Variants in TMCO4 observed in about 807,000 individuals in gnomAD.
TMCO4 encodes transmembrane and coiled-coil domains 4, also known as transmembrane and coiled-coil domain-containing protein 4.
TMCO4 carries 58 observed loss-of-function variants against 64.7 expected under a neutral mutation model. The ratio of observed to expected loss-of-function variants is 0.90; its 90% CI spans 0.73 to 1.12. The LOEUF (loss-of-function observed/expected upper bound fraction) is 1.12, where lower values mean the gene tolerates loss of function less well. Among genes scored for constraint, TMCO4 ranks in the 50% most tolerant of loss-of-function variants. TMCO4 has a pLI of 0.00. For synonymous variants in TMCO4, 325 were observed against 346.1 expected, an observed-to-expected ratio of 0.94 and a Z score of 0.68; for missense variants, 780 against 825.9, an observed-to-expected ratio of 0.94 and a Z score of 0.68.
chr1:19,753,815 C>A (rs543651658), intron 7 of TMCO4, among the ~76,000 whole-genome samples: 1 of 152,216 alleles, frequency 6.6e-6, no homozygotes, highest in African/African-American at 2.4e-5. Context: ...GAGTCCCTAA[C>A]GCTGCATAAA....
At chr1:19,717,014 C>T (rs549348128) in intron 13 of TMCO4, among the ~76,000 whole-genome samples, 1 of 152,198 alleles carries the variant, frequency 6.6e-6, no homozygotes, top group Admixed American at 6.5e-5. Flanking sequence ...TGGTGAAACC[C>T]CATCTCTACT....
chr1:19,709,362 A>G (rs2095319354), intron 13 of TMCO4, among the ~76,000 whole-genome samples: 1 of 119,090 alleles, frequency 8.4e-6, no homozygotes. Flanking sequence ...CCCCAGGGGG[A>G]CTAAAGCTGG....
chr1:19,731,420 C>A (rs910163908), intron 13 of TMCO4, among the ~76,000 whole-genome samples: 7 of 152,186 alleles, frequency 4.6e-5, no homozygotes, highest in South Asian at 2.1e-4. Context: ...TCCTAAAAAC[C>A]TGTTGTAGAT....
chr1:19,695,267 G>A (rs2095228580), intron 14 of TMCO4, among the ~76,000 whole-genome samples: 1 of 152,236 alleles, frequency 6.6e-6, no homozygotes, highest in African/African-American at 2.4e-5. Flanking sequence ...ACCCTCTGCT[G>A]CCCATTGCTT....
chr1:19,755,573 C>G, intron 7 of TMCO4, 61 bp downstream of exon 7: 1 of 1,602,586 alleles, frequency 6.2e-7, no homozygotes, highest in Non-Finnish European at 8.5e-7. Flanking sequence ...ACTCTGTTAT[C>G]TGCAAAGTAC....
chr1:19,709,675 G>T (rs1305422370), intron 13 of TMCO4, among the ~76,000 whole-genome samples: 2 of 151,804 alleles, frequency 1.3e-5, no homozygotes, highest in African/African-American at 4.8e-5. Flanking sequence ...ACTTCACAGG[G>T]GCAGGGAATG....
At chr1:19,739,754 T>C in intron 12 of TMCO4, 70 bp downstream of exon 12, 3 of 1,562,812 alleles carry the variant, frequency 1.9e-6, no homozygotes, top group Non-Finnish European at 2.6e-6. Context: ...AAGGCTGATA[T>C]CTGTGAACAA....
intron 14 of TMCO4, among the ~76,000 whole-genome samples, chr1:19,697,878 T>C (rs1402101311): frequency 6.6e-6 from 1 of 151,844 alleles, no homozygotes; most frequent in East Asian, 1.9e-4. Context: ...CCTCCCAAAG[T>C]GCTGGGATTA....
chr1:19,694,168 A>G (rs1185677372), intron 15 of TMCO4, among the ~76,000 whole-genome samples: 4 of 152,180 alleles, frequency 2.6e-5, no homozygotes, highest in African/African-American at 9.6e-5. Flanking sequence ...TGCCCAGATA[A>G]TTTAAAAATT....
rs201994917 is a variant in TMCO4, at chr1:19,746,560, C to A, written c.653G>T (p.Gly218Val). ...GGCGCTGCCAATAATCGTCGCTGCTCCAGCGGCAACAAGGGGTGCAGCTAG... is the reference window on the plus strand; with the variant it reads ...GGCGCTGCCAATAATCGTCGCTGCTACAGCGGCAACAAGGGGTGCAGCTAG... Reference protein sequence around the residue: ...GGLAAPLVAAGAATIIGSAGA... With the variant: ...GGLAAPLVAAVAATIIGSAGA... Residue 218 changes from glycine to valine, a missense_variant, in exon 9 of 16, where the codon GGA becomes GTA. Coordinates refer to ENST00000294543, the MANE Select transcript of TMCO4 (RefSeq NM_181719.7). The A allele has an allele frequency of 3.2e-5, 51 of 1,611,214 alleles. No individual in the cohort carries two copies. The East Asian group carries it at 1.1e-3, about 34-fold the overall frequency.
chr1:19,758,163 G>A lies in TMCO4; in HGVS notation c.383-2397C>T, dbSNP rs1450873095. ...CTGAAGTCTTGAAGTTTGAGGTTTC[G>A]GCTTCTGCAAAAGAAATCAGTTCCT... is the stretch of plus-strand genomic sequence containing the variant. On this transcript the variant is annotated intron_variant, in intron 6 of 15. Transcript: ENST00000294543. Among the ~76,000 whole-genome samples the A allele has an allele frequency of 3.3e-5, 5 of 152,270 alleles. No individual in the cohort carries two copies. The East Asian group carries it at 5.8e-4, about 18-fold the overall frequency.
chr1:19,779,336 C>T (rs1472669327), intron 4 of TMCO4, among the ~76,000 whole-genome samples: 7 of 152,202 alleles, frequency 4.6e-5, no homozygotes, highest in African/African-American at 1.4e-4. Context: ...TCCATTCTCC[C>T]TGAGAAAAGT....
rs2095446531 is a variant in TMCO4 at position 19,734,840 on chromosome 1, T to C, written c.1264+2532A>G. Among the ~76,000 whole-genome samples the C allele has an allele frequency of 6.6e-6, 1 of 152,148 alleles. No homozygotes were observed. The highest frequency in any genetic ancestry group is 2.4e-5 in the African/African-American group (1 of 41,454). ...GTGGCTTCACCTCTCAGCCTCAGTT[T>C]TCTCATCTGAAGCAGGGAGACTGGT... On this transcript the variant is annotated intron_variant, in intron 13 of 15. Coordinates refer to ENST00000294543, the MANE Select transcript of TMCO4 (RefSeq NM_181719.7). The surrounding 1 kb of genome is among the most constrained non-coding windows in gnomAD (Gnocchi z 4.4).
intron 12 of TMCO4, among the ~76,000 whole-genome samples, chr1:19,737,721 C>T (rs74058621): frequency 1.3e-5 from 2 of 152,378 alleles, no homozygotes; most frequent in Middle Eastern, 6.8e-3. Context: ...CCTTTCATCT[C>T]AAATCATTAT....
rs752836913 is a variant in TMCO4 at position 19,780,578 on chromosome 1, A to T, written c.179+2T>A. The T allele has an allele frequency of 6.3e-7, 1 of 1,591,650 alleles. No individual in the cohort carries two copies. The highest frequency in any genetic ancestry group is 1.1e-5 in the South Asian group (1 of 87,568). ...TTCCCACTGCAAGACAGAAGAACTC[A>T]CCTGTGTTCGGGTTCAGGAAATAAC... On this transcript the variant is annotated splice_donor_variant, in intron 4 of 15. Transcript: ENST00000294543. LOFTEE classifies it high-confidence loss of function.
chr1:19,692,221 T>C (rs1051564128), intron 15 of TMCO4, among the ~76,000 whole-genome samples: 1 of 152,194 alleles, frequency 6.6e-6, no homozygotes, highest in Admixed American at 6.5e-5. Flanking sequence ...GGCTTGTGCT[T>C]GTAGTTACAG....
Position 19,694,499 on chromosome 1 carries a change from C to A in TMCO4, c.1435G>T (p.Val479Phe). 1 of 1,614,084 alleles carries A rather than the reference C, an allele frequency of 6.2e-7. No homozygotes were observed. Among genetic ancestry groups the A allele is most frequent in the Non-Finnish European group, 8.5e-7 (1 of 1,179,946 alleles). Residue 479 changes from valine (V) to phenylalanine (F), a missense_variant, in exon 15 of 16, where the codon GTC becomes TTC. Transcript: ENST00000294543. The part of the protein sequence containing the change: ...VYRTSSVQLR[V>F]AGLQPVLLQD... ...AGCAGCACGGGCTGTAGGCCGGCGA[C>A]ACGGAGCTGCACCGAGGATGTGCGG... is the stretch of plus-strand genomic sequence containing the variant.
At chr1:19,760,981 A>T (rs2100972045) in intron 6 of TMCO4, among the ~76,000 whole-genome samples, 1 of 152,344 alleles carries the variant, frequency 6.6e-6, no homozygotes, top group South Asian at 2.1e-4. Context: ...CAATAATCCT[A>T]TTAATCTGGA....
Position 19,729,153 on chromosome 1 carries a change from A to G in TMCO4, c.1264+8219T>C, listed in dbSNP as rs541847944. Reference sequence around the variant, plus strand: ...AACAGGGTGACTACAGTCAATAATAATTTTGTTTTTTTTTGAGACAGAATC... The same window carrying G: ...AACAGGGTGACTACAGTCAATAATAGTTTTGTTTTTTTTTGAGACAGAATC... On this transcript the variant is annotated intron_variant, in intron 13 of 15. Coordinates refer to ENST00000294543, the MANE Select transcript of TMCO4 (RefSeq NM_181719.7). Among the ~76,000 whole-genome samples the G allele has an allele frequency of 2.6e-5, 4 of 151,778 alleles. No homozygotes were observed. The East Asian group carries it at 7.9e-4, about 30-fold the overall frequency.
Sources: gnomAD v4.1 joint callset for allele counts (sites outside exome capture counted in the v4.1 genomes callset) on GRCh38, gnomAD v4.1.1 for gene constraint, Gnocchi (gnomAD v3.1) non-coding constraint, MANE v1.5 for transcripts, NCBI Gene and HGNC (gene_info 2026-07-23, HGNC 2026-07-21) for gene names.